COPG2: variants seen among roughly 807,000 people sequenced by gnomAD.
The protein encoded by COPG2 is coatomer subunit gamma-2.
COPG2 carries 37 observed loss-of-function variants against 46.3 expected under a neutral mutation model. The ratio of observed to expected loss-of-function variants is 0.80; its 90% CI spans 0.61 to 1.05. The LOEUF (loss-of-function observed/expected upper bound fraction) is 1.05. Among genes scored for constraint, COPG2 ranks in the 50% least tolerant of loss-of-function variants. COPG2 has a pLI of 0.00. For synonymous variants in COPG2, 159 were observed against 129.7 expected (o/e 1.23, Z -1.53); for missense variants, 427 against 387.8 (o/e 1.10, Z -0.85).
intron 20 of COPG2, among the ~76,000 whole-genome samples, chr7:130,517,132 G>A (rs1242884993): frequency 6.6e-6 from 1 of 152,112 alleles, no homozygotes; most frequent in Non-Finnish European, 1.5e-5. Context: ...AAAGTGAAGG[G>A]TTCCTGCTGA....
intron 20 of COPG2, among the ~76,000 whole-genome samples, chr7:130,525,906 T>C (rs1292389316): frequency 6.6e-6 from 1 of 150,880 alleles, no homozygotes; most frequent in African/African-American, 2.5e-5. Flanking sequence ...TCTTAAATTC[T>C]ACACACGGGT....
chr7:130,512,052 T>TAAAAA (rs1182017221), intron 20 of COPG2, among the ~76,000 whole-genome samples: 4 of 99,118 alleles, frequency 4.0e-5, no homozygotes, highest in Non-Finnish European at 7.5e-5. Flanking sequence ...CTGTGTCTTC[T>TAAAAA]AAAAAAAAAA....
intron 4 of COPG2, among the ~76,000 whole-genome samples, chr7:130,656,841 A>G (rs1377462375): frequency 6.6e-6 from 1 of 151,916 alleles, no homozygotes; most frequent in Non-Finnish European, 1.5e-5. Flanking sequence ...TGAAGCAGAA[A>G]ACTCAATAGT....
intron 9 of COPG2, among the ~76,000 whole-genome samples, chr7:130,607,015 T>C (rs1004005524): frequency 6.6e-6 from 1 of 151,988 alleles, no homozygotes; most frequent in Non-Finnish European, 1.5e-5. Flanking sequence ...CTGAGGCAGA[T>C]TGATTGCTTG....
intron 20 of COPG2, among the ~76,000 whole-genome samples, chr7:130,523,947 G>C (rs943257793): frequency 6.6e-6 from 1 of 151,770 alleles, no homozygotes; most frequent in Non-Finnish European, 1.5e-5. Context: ...GACTGGGTGC[G>C]TTTGTGCTGG....
At chr7:130,587,407 A>G (rs1794298242) in intron 9 of COPG2, among the ~76,000 whole-genome samples, 1 of 152,120 alleles carries the variant, frequency 6.6e-6, no homozygotes, top group African/African-American at 2.4e-5. Context: ...CCAGTTGGAT[A>G]TTGTTACTAC....
At chr7:130,664,966 A>T (rs901408861) in intron 3 of COPG2, among the ~76,000 whole-genome samples, 1 of 152,184 alleles carries the variant, frequency 6.6e-6, no homozygotes. Flanking sequence ...GGATCACCTA[A>T]GGTCAGGAGT....
intron 9 of COPG2, among the ~76,000 whole-genome samples, chr7:130,602,403 A>G (rs1294473616): frequency 1.3e-5 from 2 of 152,124 alleles, no homozygotes; most frequent in African/African-American, 4.8e-5. Context: ...TATTATTACC[A>G]TATTTTCCTC....
intron 4 of COPG2, among the ~76,000 whole-genome samples, chr7:130,653,875 T>C (rs1795798808): frequency 1.3e-5 from 2 of 151,838 alleles, no homozygotes; most frequent in East Asian, 3.9e-4. Flanking sequence ...AGAAAGCCAG[T>C]ATAGGCACAC....
intron 3 of COPG2, 31 bp downstream of exon 3, chr7:130,666,818 C>A (rs781982509): frequency 1.1e-5 from 11 of 965,280 alleles, no homozygotes; most frequent in Admixed American, 6.6e-5. Flanking sequence ...TTCCAGGACA[C>A]ACTTATCTGA....
intron 20 of COPG2, among the ~76,000 whole-genome samples, chr7:130,545,715 TCAAA>T (rs1242578433): frequency 1.3e-5 from 2 of 152,040 alleles, no homozygotes; most frequent in African/African-American, 2.4e-5. Context: ...TAAACAAAAA[TCAAA>T]CAAACCATCA....
intron 5 of COPG2, among the ~76,000 whole-genome samples, chr7:130,641,303 T>A (rs1795461596): frequency 6.6e-6 from 1 of 151,974 alleles, no homozygotes; most frequent in Non-Finnish European, 1.5e-5. Context: ...ACAGAATAAT[T>A]CCAGGCACAG....
intron 9 of COPG2, chr7:130,605,810 G>C: frequency 3.9e-6 from 2 of 519,042 alleles, no homozygotes; most frequent in Non-Finnish European, 7.7e-6. Flanking sequence ...GCCTGTGTCA[G>C]ACTTCTAATC....
At chr7:130,629,328 A>G (rs1385301737) in intron 5 of COPG2, among the ~76,000 whole-genome samples, 3 of 151,526 alleles carry the variant, frequency 2.0e-5, no homozygotes, top group South Asian at 2.1e-4. Context: ...AATTTTGGGG[A>G]AAAAAATGGC....
rs1170061645 is a variant in COPG2, at chr7:130,647,000, T to C, written c.323+5869A>G. On this transcript the variant is annotated intron_variant, in intron 5 of 23. Coordinates refer to ENST00000425248, the MANE Select transcript of COPG2 (RefSeq NM_012133.6). ...ATATATATGTATATATATATATGTG[T>C]ATATATATATGTATATATATATATG... 1.6e-4 allele frequency among the ~76,000 whole-genome samples: 6 copies of C among 38,226 alleles called. No homozygotes were observed. In the East Asian group the frequency reaches 5.5e-3, roughly 35 times the overall value. 25.1% of individuals were successfully genotyped at this position (38,226 alleles called of 152,430 possible). A position where few individuals can be genotyped will look rare whatever the true frequency, so the allele number is the denominator to read the frequency against.
intron 9 of COPG2, among the ~76,000 whole-genome samples, chr7:130,578,733 GAAGA>G (rs1340106189): frequency 1.3e-5 from 2 of 152,118 alleles, no homozygotes; most frequent in African/African-American, 4.8e-5. Flanking sequence ...CGATCAACTG[GAAGA>G]AAGGGTATCA....
chr7:130,566,667 G>A (rs1243021477), intron 9 of COPG2, among the ~76,000 whole-genome samples: 3 of 152,110 alleles, frequency 2.0e-5, no homozygotes, highest in East Asian at 3.9e-4. Flanking sequence ...TGGGAGGGAG[G>A]GGTCTGAGGG....
chr7:130,647,001 A>G lies in COPG2; in HGVS notation c.323+5868T>C, dbSNP rs113281564. Among the ~76,000 whole-genome samples, 141 of 119,316 alleles carry G rather than the reference A, an allele frequency of 1.2e-3. 2 individuals are homozygous for G. Among genetic ancestry groups the G allele is most frequent in the African/African-American group, 5.4e-3 (130 of 23,862 alleles). 78.3% of individuals were successfully genotyped at this position (119,316 alleles called of 152,430 possible). A position where few individuals can be genotyped will look rare whatever the true frequency, so the allele number is the denominator to read the frequency against. On this transcript the variant is annotated intron_variant, in intron 5 of 23. Coordinates refer to ENST00000425248, the MANE Select transcript of COPG2 (RefSeq NM_012133.6). ...TATATATGTATATATATATATGTGT[A>G]TATATATATGTATATATATATATGT...
At chr7:130,599,566 CTT>C (rs1219183618) in intron 9 of COPG2, among the ~76,000 whole-genome samples, 5 of 152,052 alleles carry the variant, frequency 3.3e-5, no homozygotes, top group Admixed American at 6.5e-5. Context: ...GGAACTCTCT[CTT>C]GAGTATGCCC....
Sources: allele counts gnomAD v4.1 joint callset (sites outside exome capture counted in the v4.1 genomes callset), GRCh38; gene constraint gnomAD v4.1.1; transcripts MANE v1.5; gene names NCBI Gene and HGNC (gene_info 2026-07-23, HGNC 2026-07-21).